The following LRRTM4 variants were observed in gnomAD, a reference collection of about 807,000 sequenced individuals.
LRRTM4 encodes leucine-rich repeat transmembrane neuronal protein 4.
Under a neutral mutation model 47.6 loss-of-function variants are expected in LRRTM4, and 25 were observed. That is an observed-to-expected ratio of 0.53 (90% CI 0.38 to 0.73). The LOEUF (loss-of-function observed/expected upper bound fraction) is 0.73. LRRTM4 is among the 30% of genes least tolerant of loss of function. LRRTM4 has a pLI of 0.00. For missense variants in LRRTM4, 638 were observed against 713.4 expected, an observed-to-expected ratio of 0.89 and a Z score of 1.20; for synonymous variants, 311 against 269.5, an observed-to-expected ratio of 1.15 and a Z score of -1.51.
chr2:77,029,071 A>AT (rs1558537544), intron 3 of LRRTM4, among the ~76,000 whole-genome samples: 9 of 138,848 alleles, frequency 6.5e-5, no homozygotes, highest in African/African-American at 2.4e-4. Flanking sequence ...ATATATATAT[A>AT]ATATATATAT....
chr2:77,394,155 A>G (rs562821585), intron 3 of LRRTM4, among the ~76,000 whole-genome samples: 1 of 152,090 alleles, frequency 6.6e-6, no homozygotes, highest in South Asian at 2.1e-4. Context: ...GAATAAGCAA[A>G]TTACAGACTA....
chr2:76,860,376 G>A (rs1672278231), intron 3 of LRRTM4, among the ~76,000 whole-genome samples: 1 of 152,130 alleles, frequency 6.6e-6, no homozygotes, highest in Non-Finnish European at 1.5e-5. Context: ...ACAAATTAGT[G>A]TGTTTACATG....
intron 3 of LRRTM4, among the ~76,000 whole-genome samples, chr2:76,963,495 T>C (rs1264430626): frequency 6.6e-6 from 1 of 150,904 alleles, no homozygotes; most frequent in Non-Finnish European, 1.5e-5. Context: ...AAGAAACCTT[T>C]GAAAAAATAT....
intron 3 of LRRTM4, among the ~76,000 whole-genome samples, chr2:77,460,600 T>G (rs534221198): frequency 2.3e-4 from 35 of 152,286 alleles, no homozygotes; most frequent in African/African-American, 8.4e-4. Flanking sequence ...TTGACCAAAA[T>G]AATTATACAC....
chr2:76,818,992 G>C (rs1670978889), intron 3 of LRRTM4, among the ~76,000 whole-genome samples: 1 of 151,638 alleles, frequency 6.6e-6, no homozygotes, highest in Non-Finnish European at 1.5e-5. Context: ...CTAAATAATT[G>C]TCGACATGGT....
chr2:77,501,231 C>G (rs1342284442), intron 3 of LRRTM4, among the ~76,000 whole-genome samples: 3 of 150,530 alleles, frequency 2.0e-5, no homozygotes, highest in Admixed American at 6.7e-5. Context: ...ATAATTTAAT[C>G]TTTTAGATTA....
rs566647716 is a variant in LRRTM4 at position 76,899,957 on chromosome 2, G to A, written c.1552-151041C>T. 1.1e-4 allele frequency among the ~76,000 whole-genome samples: 16 copies of A among 152,128 alleles called. No individual in the cohort carries two copies. In the South Asian group the frequency reaches 2.1e-3, roughly 20 times the overall value. ...ATATATGCTAGTAGACACCAGGTGCGGTGGCTCACACCTGTAATCTCAGCA... is the reference window on the plus strand; with the variant it reads ...ATATATGCTAGTAGACACCAGGTGCAGTGGCTCACACCTGTAATCTCAGCA... On this transcript the variant is annotated intron_variant, in intron 3 of 3. Coordinates refer to ENST00000409884, the MANE Select transcript of LRRTM4 (RefSeq NM_001134745.3).
At chr2:77,291,919 T>C (rs1043105181) in intron 3 of LRRTM4, among the ~76,000 whole-genome samples, 2 of 151,696 alleles carry the variant, frequency 1.3e-5, no homozygotes, top group Non-Finnish European at 2.9e-5. Flanking sequence ...ACCTACAAAA[T>C]GGGAGAAAAT....
chr2:76,966,492 A>G (rs1311125147), intron 3 of LRRTM4, among the ~76,000 whole-genome samples: 2 of 151,528 alleles, frequency 1.3e-5, no homozygotes, highest in Non-Finnish European at 3.0e-5. Flanking sequence ...AAAATTTCAA[A>G]CATGCATAAG....
intron 3 of LRRTM4, among the ~76,000 whole-genome samples, chr2:77,331,196 T>C (rs1274382051): frequency 5.3e-5 from 8 of 152,206 alleles, no homozygotes; most frequent in African/African-American, 1.9e-4. Context: ...CCAGTTTGTA[T>C]TTTTCTTCAT....
intron 3 of LRRTM4, among the ~76,000 whole-genome samples, chr2:77,097,797 C>G (rs1055376311): frequency 6.6e-6 from 1 of 151,452 alleles, no homozygotes; most frequent in East Asian, 1.9e-4. Context: ...CAATGTGACA[C>G]AAAAATGTAA....
At chr2:77,193,709 G>C (rs1465782562) in intron 3 of LRRTM4, among the ~76,000 whole-genome samples, 3 of 152,114 alleles carry the variant, frequency 2.0e-5, no homozygotes, top group Non-Finnish European at 4.4e-5. Flanking sequence ...ACTCAGGCAA[G>C]AGAATCGCTT....
At chr2:76,917,170 A>G (rs946292466) in intron 3 of LRRTM4, among the ~76,000 whole-genome samples, 1 of 152,154 alleles carries the variant, frequency 6.6e-6, no homozygotes, top group Non-Finnish European at 1.5e-5. Context: ...TCTAGCATGA[A>G]AGTGGTCATA....
chr2:77,475,736 T>C (rs1354379590), intron 3 of LRRTM4, among the ~76,000 whole-genome samples: 2 of 115,404 alleles, frequency 1.7e-5, no homozygotes, highest in Non-Finnish European at 3.6e-5. Context: ...GATTAATAAA[T>C]AGTTACTAAT....
At chr2:76,803,146 G>A (rs1675793447) in intron 3 of LRRTM4, among the ~76,000 whole-genome samples, 1 of 151,922 alleles carries the variant, frequency 6.6e-6, no homozygotes, top group African/African-American at 2.4e-5. Context: ...GCATAGCCAG[G>A]GACAGAGTGA....
At chr2:77,514,594 A>T (rs1679140572) in intron 3 of LRRTM4, among the ~76,000 whole-genome samples, 1 of 152,062 alleles carries the variant, frequency 6.6e-6, no homozygotes. Context: ...CCATTTTCCT[A>T]ATAGCAGCAC....
chr2:76,903,308 G>T (rs562101239), intron 3 of LRRTM4, among the ~76,000 whole-genome samples: 1 of 151,338 alleles, frequency 6.6e-6, no homozygotes, highest in Non-Finnish European at 1.5e-5. Flanking sequence ...AGGCTGAGGA[G>T]GGTGTATCAC....
chr2:77,302,761 C>A (rs1677164582), intron 3 of LRRTM4, among the ~76,000 whole-genome samples: 1 of 152,138 alleles, frequency 6.6e-6, no homozygotes, highest in African/African-American at 2.4e-5. Flanking sequence ...CGTGCACACG[C>A]CCCTTCCTGA....
intron 3 of LRRTM4, among the ~76,000 whole-genome samples, chr2:76,911,830 G>C (rs900325611): frequency 6.7e-6 from 1 of 149,782 alleles, no homozygotes; most frequent in African/African-American, 2.5e-5. Flanking sequence ...GTGTGTGCCT[G>C]TGTGTGTGTA....
Sources: gnomAD v4.1 joint callset for allele counts (sites outside exome capture counted in the v4.1 genomes callset) on GRCh38, gnomAD v4.1.1 for gene constraint, MANE v1.5 for transcripts, NCBI Gene and HGNC (gene_info 2026-07-23, HGNC 2026-07-21) for gene names.